Variants in GABBR2 observed in about 807,000 individuals in gnomAD.
The protein encoded by GABBR2 is gamma-aminobutyric acid type B receptor subunit 2, also known as G-protein coupled receptor 51.
In GABBR2, 23 loss-of-function variants were observed where a neutral mutation model predicts 105.6. The ratio of observed to expected loss-of-function variants is 0.22; its 90% confidence interval spans 0.16 to 0.31. GABBR2 has a LOEUF of 0.31. Ranked by LOEUF, GABBR2 falls within the 10% of genes least tolerant of loss-of-function variation. The pLI is 1.00. For missense variants in GABBR2, 734 were observed against 1,245.5 expected (o/e 0.59, Z 6.18); for synonymous variants, 478 against 499.7 (o/e 0.96, Z 0.58).
chr9:98,369,717 T>G (rs1831744989), intron 12 of GABBR2, among the ~76,000 whole-genome samples: 1 of 151,252 alleles, frequency 6.6e-6, no homozygotes, highest in African/African-American at 2.4e-5. Flanking sequence ...CATGTTCCAC[T>G]GGGATGAGCC....
chr9:98,372,066 C>G (rs1219561771), intron 11 of GABBR2, among the ~76,000 whole-genome samples: 2 of 152,236 alleles, frequency 1.3e-5, no homozygotes, highest in Admixed American at 1.3e-4. Flanking sequence ...AGACCTTGGT[C>G]CCTGCTCAGG....
intron 3 of GABBR2, among the ~76,000 whole-genome samples, chr9:98,533,563 C>T (rs1231848269): frequency 6.6e-6 from 1 of 152,204 alleles, no homozygotes; most frequent in Non-Finnish European, 1.5e-5. Context: ...AACATACCTG[C>T]ACCAGGGAGC....
rs141143825 is a variant in GABBR2 at position 98,549,158 on chromosome 9, C to G, written c.460-7115G>C. ...TGGGGGTTTCACCATGTTGGACAGG[C>G]TGGTCTTGCGCTCCTGACCTCAGGT... On this transcript the variant is annotated intron_variant, in intron 2 of 18. Coordinates refer to ENST00000259455, the MANE Select transcript of GABBR2 (RefSeq NM_005458.8). 1.8e-3 allele frequency among the ~76,000 whole-genome samples: 214 copies of G among 121,836 alleles called. 36 individuals carry two copies. The highest frequency in any genetic ancestry group is 5.2e-3 in the African/African-American group (198 of 38,090). 79.9% of individuals were successfully genotyped at this position (121,836 alleles called of 152,430 possible). A position where few individuals can be genotyped will look rare whatever the true frequency, so the allele number is the denominator to read the frequency against.
Position 98,654,146 on chromosome 9 carries a change from A to G in GABBR2, c.321+54271T>C, listed in dbSNP as rs540651392. On this transcript the variant is annotated intron_variant, in intron 1 of 18. Transcript: ENST00000259455. ...ACACAGAGCTACACACGATGAGGAA[A>G]GCAGACCTATGTTGCACTGGTCGGG... Among the ~76,000 whole-genome samples the G allele has an allele frequency of 2.6e-5, 4 of 152,350 alleles. No individual in the cohort carries two copies. The South Asian group carries it at 8.3e-4, about 32-fold the overall frequency.
intron 1 of GABBR2, among the ~76,000 whole-genome samples, chr9:98,697,425 A>C (rs1179768107): frequency 6.6e-6 from 1 of 150,612 alleles, no homozygotes; most frequent in Admixed American, 6.6e-5. Context: ...CGGGAGGCGG[A>C]GTTTGCAGTG....
chr9:98,514,909 G>C (rs902215543), intron 3 of GABBR2, among the ~76,000 whole-genome samples: 10 of 152,174 alleles, frequency 6.6e-5, no homozygotes, highest in Admixed American at 3.3e-4. Flanking sequence ...GTCTAGGCTT[G>C]TGAGATATCA....
chr9:98,630,583 G>A (rs1016164341), intron 1 of GABBR2, among the ~76,000 whole-genome samples: 5 of 152,156 alleles, frequency 3.3e-5, no homozygotes, highest in Non-Finnish European at 2.9e-5. Context: ...CAGCAAGAGG[G>A]TAGAGAAATG....
At chr9:98,444,980 C>CT in intron 7 of GABBR2, among the ~76,000 whole-genome samples, 1 of 152,342 alleles carries the variant, frequency 6.6e-6, no homozygotes, top group African/African-American at 2.4e-5. Flanking sequence ...TTCAAGAAAT[C>CT]TAAGTCCTGT....
chr9:98,687,156 A>G (rs1381830765), intron 1 of GABBR2, among the ~76,000 whole-genome samples: 2 of 151,542 alleles, frequency 1.3e-5, no homozygotes, highest in East Asian at 3.9e-4. Context: ...TGTTACTGCA[A>G]CTGGGGGCAA....
intron 1 of GABBR2, among the ~76,000 whole-genome samples, chr9:98,618,843 ACTGT>A (rs1219299016): frequency 3.9e-5 from 6 of 152,102 alleles, no homozygotes; most frequent in African/African-American, 1.4e-4. Flanking sequence ...CACCAGTGTG[ACTGT>A]CTGGGGCTTC....
intron 13 of GABBR2, among the ~76,000 whole-genome samples, chr9:98,340,088 G>T (rs1831183717): frequency 6.6e-6 from 1 of 152,072 alleles, no homozygotes. Context: ...TGTGTCCCGG[G>T]GTAGGACACC....
intron 8 of GABBR2, among the ~76,000 whole-genome samples, chr9:98,396,632 C>A (rs906484003): frequency 6.6e-6 from 1 of 152,180 alleles, no homozygotes; most frequent in Non-Finnish European, 1.5e-5. Context: ...CCTGCTTTGG[C>A]CTTTTGAAGT....
intron 13 of GABBR2, among the ~76,000 whole-genome samples, chr9:98,330,381 A>T (rs1361274348): frequency 4.6e-5 from 7 of 152,258 alleles, no homozygotes; most frequent in Non-Finnish European, 1.0e-4. Context: ...GACATATTTC[A>T]TACATGGAGG....
chr9:98,535,812 G>A (rs1315883256), intron 3 of GABBR2, among the ~76,000 whole-genome samples: 1 of 152,138 alleles, frequency 6.6e-6, no homozygotes, highest in African/African-American at 2.4e-5. Context: ...CCAACTAAAC[G>A]ACATTATGGA....
intron 1 of GABBR2, among the ~76,000 whole-genome samples, chr9:98,688,873 G>A (rs1588284158): frequency 6.6e-6 from 1 of 152,340 alleles, no homozygotes; most frequent in East Asian, 1.9e-4. Flanking sequence ...GCATCTGCTG[G>A]TTCTAGAACA....
At chr9:98,676,397 G>A (rs893368580) in intron 1 of GABBR2, among the ~76,000 whole-genome samples, 2 of 152,156 alleles carry the variant, frequency 1.3e-5, no homozygotes, top group African/African-American at 2.4e-5. Flanking sequence ...ATAAGTTTGT[G>A]GTAAATTTTT....
intron 2 of GABBR2, among the ~76,000 whole-genome samples, chr9:98,566,967 T>C (rs1241319494): frequency 6.6e-6 from 1 of 152,230 alleles, no homozygotes; most frequent in Non-Finnish European, 1.5e-5. Context: ...CCATTTTACA[T>C]GTTTGTCCCC....
At chr9:98,422,518 G>C (rs1453393454) in intron 7 of GABBR2, among the ~76,000 whole-genome samples, 1 of 148,524 alleles carries the variant, frequency 6.7e-6, no homozygotes, top group Non-Finnish European at 1.5e-5. Flanking sequence ...GTGTGTGTGT[G>C]TGTCTGTGTG....
In GABBR2 at chr9:98,290,272, T is replaced by TTTG. The variant is rs1172027526; in HGVS notation, c.*311_*312insCAA. The stretch of plus-strand genomic sequence containing the variant: ...TCTCTCCTTGTCTAGTTTTTTTGTT[T>TTTG]TTTTTTTTTTTTTTTTTTTTTTGCA... On this transcript the variant is annotated 3_prime_UTR_variant, in exon 19 of 19. Coordinates refer to ENST00000259455, the MANE Select transcript of GABBR2 (RefSeq NM_005458.8). 7.6e-6 allele frequency: 1 copy of TTTG among 132,056 alleles called. No individual in the cohort carries two copies. The highest frequency in any genetic ancestry group is 1.4e-5 in the Non-Finnish European group (1 of 72,020). 8.2% of individuals were successfully genotyped at this position (132,056 alleles called of 1,614,324 possible). A position where few individuals can be genotyped will look rare whatever the true frequency, so the allele number is the denominator to read the frequency against.
Sources: gnomAD v4.1 joint callset for allele counts (sites outside exome capture counted in the v4.1 genomes callset) on GRCh38, gnomAD v4.1.1 for gene constraint, MANE v1.5 for transcripts, NCBI Gene and HGNC (gene_info 2026-07-23, HGNC 2026-07-21) for gene names.